The following CD83 variants were observed in gnomAD, a reference collection of about 807,000 sequenced individuals.
The protein encoded by CD83 is CD83 antigen.
CD83 carries 22 observed loss-of-function variants against 24.6 expected under a neutral mutation model. The ratio of observed to expected loss-of-function variants is 0.90; its 90% CI spans 0.64 to 1.28. CD83 has a LOEUF of 1.28. Ranked by LOEUF, CD83 falls within the 50% of genes most tolerant of loss-of-function variation. The probability of loss-of-function intolerance (pLI) is 0.00; values close to 1 mark genes in which losing one functional copy is unlikely to be tolerated. For missense variants in CD83, 253 were observed against 252.8 expected (o/e 1.00, Z -0.01); for synonymous variants, 101 against 103.5 (o/e 0.98, Z 0.14).
intron 2 of CD83, among the ~76,000 whole-genome samples, chr6:14,126,497 A>G (rs555235653): frequency 6.6e-6 from 1 of 152,328 alleles, no homozygotes; most frequent in Non-Finnish European, 1.5e-5. Context: ...GTTTGGTTCC[A>G]GCTCAGTCCA....
Position 14,117,971 on chromosome 6 carries a change from C to T in CD83, c.59C>T (p.Thr20Met). The T allele has an allele frequency of 1.2e-6, 2 of 1,609,840 alleles. No individual in the cohort carries two copies. The highest frequency in any genetic ancestry group is 1.7e-6 in the Non-Finnish European group (2 of 1,179,102). Residue 20 changes from threonine to methionine, a missense_variant, in exon 2 of 5, where the codon ACG (threonine) becomes ATG (methionine). Thr to Met is a moderately conservative substitution (Grantham distance 81, BLOSUM62 -1). Coordinates refer to ENST00000379153, the MANE Select transcript of CD83 (RefSeq NM_004233.4). This position sits in a 1 kb window ranked among gnomAD's most constrained non-coding sequence, Gnocchi z 4.6. ...LSCAYSLAPATPEVKVACSED... is the reference protein window; with the variant it reads ...LSCAYSLAPAMPEVKVACSED... ...GTAGCCTACAGCCTGGCTCCCGCGA[C>T]GCCGGAGGTGAAGGTGGCTTGCTCC...
At chr6:14,133,809 A>T (rs911573337) in intron 4 of CD83, 54 bp downstream of exon 4, 2 of 1,127,004 alleles carry the variant, frequency 1.8e-6, no homozygotes. Flanking sequence ...CAGGGCACCA[A>T]TCCAAGTATC....
chr6:14,133,676 CTT>C lies in CD83; in HGVS notation c.413_414del (p.Phe138Ter), dbSNP rs1410189994. 6.2e-7 allele frequency: 1 copy of C among 1,613,504 alleles called. No individual in the cohort carries two copies. The stretch of plus-strand genomic sequence containing the variant: ...TGCCCTGCACAGCGTAAAGAAGAGA[CTT>C]TTAAGAAATACAGAGCGGAGATTGT... On this transcript the variant is annotated frameshift_variant, in exon 4 of 5. Coordinates refer to ENST00000379153, the MANE Select transcript of CD83 (RefSeq NM_004233.4). LOFTEE classifies it high-confidence loss of function.
At chr6:14,121,059 A>G (rs998304410) in intron 2 of CD83, among the ~76,000 whole-genome samples, 27 of 152,236 alleles carry the variant, frequency 1.8e-4, no homozygotes, top group Middle Eastern at 3.2e-3. Context: ...GATCCAACAA[A>G]GGGTCCTCTT....
At chr6:14,120,072 C>G (rs1179360301) in intron 2 of CD83, among the ~76,000 whole-genome samples, 1 of 152,202 alleles carries the variant, frequency 6.6e-6, no homozygotes, top group African/African-American at 2.4e-5. Flanking sequence ...ACAGCAGTCT[C>G]TAGGCGTTCT....
upstream of CD83, chr6:14,117,603 C>CGGGGGCGGGGACGGGGGCGAA (rs1483592560): frequency 1.2e-4 from 14 of 112,054 alleles, no homozygotes; most frequent in African/African-American, 1.4e-3. The surrounding 1 kb of genome is among the most constrained non-coding windows in gnomAD (Gnocchi z 4.6). Flanking sequence ...GGGGCGGGGA[C>CGGGGGCGGGGACGGGGGCGAA]GGGGGCGGGG....
At chr6:14,131,131 G>A (rs545926791) in intron 2 of CD83, among the ~76,000 whole-genome samples, 1 of 152,314 alleles carries the variant, frequency 6.6e-6, no homozygotes, top group East Asian at 1.9e-4. Context: ...TCATTCAGTG[G>A]GTGAGTTGGT....
chr6:14,133,027 A>G (rs1006547925), intron 3 of CD83, among the ~76,000 whole-genome samples: 1 of 152,150 alleles, frequency 6.6e-6, no homozygotes. Context: ...AAACCCTTTA[A>G]CAGCCCTGAG....
chr6:14,117,591 CGGGGGCGG>C, upstream of CD83: 1 of 49,312 alleles, frequency 2.0e-5, no homozygotes, highest in Non-Finnish European at 3.4e-5. This position sits in a 1 kb window ranked among gnomAD's most constrained non-coding sequence, Gnocchi z 4.6. Context: ...GCGGGTGCGA[CGGGGGCGG>C]GGACGGGGGC....
intron 3 of CD83, 86 bp downstream of exon 3, chr6:14,131,834 G>A: frequency 2.3e-6 from 2 of 876,424 alleles, no homozygotes; most frequent in Non-Finnish European, 3.8e-6. Context: ...CTCTTTTGGA[G>A]TGTAGCTCTA....
chr6:14,128,331 AC>A (rs1361384441), intron 2 of CD83, among the ~76,000 whole-genome samples: 1 of 152,020 alleles, frequency 6.6e-6, no homozygotes, highest in Non-Finnish European at 1.5e-5. Flanking sequence ...CTAGGGCCCC[AC>A]CCCCATTCTG....
intron 3 of CD83, 77 bp from the exon 4 acceptor site, chr6:14,133,572 A>G: frequency 2.1e-6 from 2 of 965,280 alleles, no homozygotes; most frequent in Middle Eastern, 2.2e-4. Flanking sequence ...GGACCAAGGA[A>G]CAAAGCATTC....
chr6:14,131,424 G>T (rs768227626), intron 2 of CD83, 96 bp from the exon 3 acceptor site: 29 of 861,846 alleles, frequency 3.4e-5, no homozygotes, highest in Admixed American at 9.0e-5. Flanking sequence ...ACAAACATAA[G>T]TTGAGGCTGG....
Position 14,135,401 on chromosome 6 carries a change from C to A in CD83, c.*165C>A. 2.7e-6 allele frequency: 2 copies of A among 730,596 alleles called. No homozygotes were observed. The highest frequency in any genetic ancestry group is 2.2e-6 in the Non-Finnish European group (1 of 459,904). The allele number at this position is 730,596 out of a possible 1,614,324, so 45.3% of individuals were successfully genotyped here. On this transcript the variant is annotated 3_prime_UTR_variant, in exon 5 of 5. Coordinates refer to ENST00000379153, the MANE Select transcript of CD83 (RefSeq NM_004233.4). ...GGGATCCCACCCCATTTTCTGTGGGCAGGCCTCGAAAACCATCACATGACC... is the reference window on the plus strand; with the variant it reads ...GGGATCCCACCCCATTTTCTGTGGGAAGGCCTCGAAAACCATCACATGACC...
At position 14,135,697 on chromosome 6, in the gene CD83, A is replaced by G. The variant is rs1441748636; in HGVS notation, c.*461A>G. The G allele has an allele frequency of 1.9e-5, 3 of 155,032 alleles. No homozygotes were observed. Among genetic ancestry groups the G allele is most frequent in the Admixed American group, 6.4e-5 (1 of 15,564 alleles). 9.6% of individuals were successfully genotyped at this position (155,032 alleles called of 1,614,324 possible). On this transcript the variant is annotated 3_prime_UTR_variant, in exon 5 of 5. Coordinates refer to ENST00000379153, the MANE Select transcript of CD83 (RefSeq NM_004233.4). ...TGTTTTACGTCTGGGAGAAATTGAC[A>G]GATCAAGCTGTGAGACAGTGGGAAA...
chr6:14,117,578 G>A (rs1334456681), upstream of CD83: 19 of 164,454 alleles, frequency 1.2e-4, no homozygotes, highest in Admixed American at 3.3e-4. This position sits in a 1 kb window ranked among gnomAD's most constrained non-coding sequence, Gnocchi z 4.6. Context: ...CGCGGCGAGG[G>A]CGGCGGGTGC....
chr6:14,119,025 A>G (rs976221846), intron 2 of CD83, among the ~76,000 whole-genome samples: 2 of 152,220 alleles, frequency 1.3e-5, no homozygotes, highest in African/African-American at 4.8e-5. Flanking sequence ...AAAAGATACT[A>G]TAAGAAACTG....
chr6:14,117,713 GGCGCGCAGGGAAGTTCCCGAACGC>G (rs1435936865), upstream of CD83: 1 of 863,302 alleles, frequency 1.2e-6, no homozygotes, highest in African/African-American at 1.8e-5. The surrounding 1 kb of genome is among the most constrained non-coding windows in gnomAD (Gnocchi z 4.6). Flanking sequence ...CCCCCGGGCT[GGCGCGCAGGGAAGTTCCCGAACGC>G]GCGGGCATAA....
chr6:14,130,044 G>A (rs1284628144), intron 2 of CD83, among the ~76,000 whole-genome samples: 1 of 152,192 alleles, frequency 6.6e-6, no homozygotes, highest in African/African-American at 2.4e-5. Context: ...AGCAAAGACA[G>A]TGGCAGTGGG....
Sources: gnomAD v4.1 joint callset for allele counts (sites outside exome capture counted in the v4.1 genomes callset) on GRCh38, gnomAD v4.1.1 for gene constraint, Gnocchi (gnomAD v3.1) non-coding constraint, MANE v1.5 for transcripts, NCBI Gene and HGNC (gene_info 2026-07-23, HGNC 2026-07-21) for gene names.